CAST: variants seen among roughly 807,000 people sequenced by gnomAD.
The protein encoded by CAST is MIR583 host.
Under a neutral mutation model 119.6 loss-of-function variants are expected in CAST, and 76 were observed. The observed-to-expected ratio is 0.64, with a 90% CI of 0.53 to 0.77. CAST has a LOEUF of 0.77. Ranked by LOEUF, CAST falls within the 30% of genes least tolerant of loss-of-function variation. CAST has a pLI of 0.00. For missense variants in CAST, 953 were observed against 946.5 expected, an observed-to-expected ratio of 1.01 and a Z score of -0.09; for synonymous variants, 319 against 331.6, an observed-to-expected ratio of 0.96 and a Z score of 0.41.
At chr5:96,435,867 T>C in the CAST span, among the ~76,000 whole-genome samples, 1 of 152,170 alleles carries the variant, frequency 6.6e-6, no homozygotes, top group African/African-American at 2.4e-5. Flanking sequence ...CCATATCTCT[T>C]TAGTCTTAGG....
chr5:96,479,450 C>CTTTTT, the CAST span, among the ~76,000 whole-genome samples: 5 of 115,296 alleles, frequency 4.3e-5, no homozygotes, highest in Admixed American at 8.7e-5. Flanking sequence ...CCAGGCACTC[C>CTTTTT]TTATTTTTTT....
upstream of CAST, among the ~76,000 whole-genome samples, chr5:96,660,041 A>G (rs569039996): frequency 2.6e-5 from 4 of 152,260 alleles, no homozygotes; most frequent in Admixed American, 1.3e-4. Context: ...TAGGGTTATT[A>G]CCTCTTATAG....
the CAST span, among the ~76,000 whole-genome samples, chr5:96,122,020 T>C: frequency 2.0e-5 from 3 of 152,308 alleles, no homozygotes; most frequent in East Asian, 5.8e-4. Flanking sequence ...ACTGCAAAAT[T>C]GTGTCTTTTA....
the CAST span, among the ~76,000 whole-genome samples, chr5:96,045,744 G>A: frequency 5.3e-5 from 8 of 152,120 alleles, no homozygotes; most frequent in African/African-American, 1.9e-4. Flanking sequence ...ATAGCAGAGT[G>A]AAAATTCAAG....
chr5:96,105,701 T>G, the CAST span, among the ~76,000 whole-genome samples: 1 of 152,234 alleles, frequency 6.6e-6, no homozygotes, highest in Non-Finnish European at 1.5e-5. Context: ...ATTCTCTTTT[T>G]TGATTGTGTC....
At chr5:96,283,252 G>A in the CAST span, among the ~76,000 whole-genome samples, 1 of 152,094 alleles carries the variant, frequency 6.6e-6, no homozygotes, top group African/African-American at 2.4e-5. Flanking sequence ...CATCAGATTG[G>A]CTTCTACAAG....
At chr5:96,562,959 A>G (rs1473671579) in intron 1 of CAST, among the ~76,000 whole-genome samples, 2 of 145,184 alleles carry the variant, frequency 1.4e-5, no homozygotes, top group Non-Finnish European at 3.1e-5. Flanking sequence ...CTCCTGAAGG[A>G]GGTCATAAAA....
the CAST span, among the ~76,000 whole-genome samples, chr5:96,211,033 T>C: frequency 7.2e-5 from 11 of 152,118 alleles, no homozygotes; most frequent in African/African-American, 2.6e-4. Flanking sequence ...TATGACCTTG[T>C]TGAACTCACT....
the CAST span, among the ~76,000 whole-genome samples, chr5:96,361,065 C>A: frequency 6.6e-6 from 1 of 152,196 alleles, no homozygotes; most frequent in Non-Finnish European, 1.5e-5. Flanking sequence ...AGTCTGGCTA[C>A]AGTGGCTTTG....
chr5:96,151,487 A>T, the CAST span, among the ~76,000 whole-genome samples: 1 of 152,156 alleles, frequency 6.6e-6, no homozygotes, highest in Non-Finnish European at 1.5e-5. Context: ...TTAATAAGCA[A>T]ATTAAAAAGA....
the CAST span, among the ~76,000 whole-genome samples, chr5:96,439,511 A>C: frequency 6.6e-6 from 1 of 152,184 alleles, no homozygotes; most frequent in African/African-American, 2.4e-5. Context: ...TTGGAAAATA[A>C]AAAAAGATTG....
chr5:96,709,116 A>C (rs1755592757), intron 3 of CAST, among the ~76,000 whole-genome samples: 1 of 152,240 alleles, frequency 6.6e-6, no homozygotes, highest in Non-Finnish European at 1.5e-5. Context: ...TTGGTCCTTG[A>C]GTGCCCAATG....
At chr5:96,410,813 G>A in the CAST span, 9 of 1,614,088 alleles carry the variant, frequency 5.6e-6, no homozygotes, top group Non-Finnish European at 7.6e-6. Flanking sequence ...TGTAAGAGGT[G>A]GCCAGTGTGG....
At chr5:96,346,833 A>G in the CAST span, among the ~76,000 whole-genome samples, 2 of 152,114 alleles carry the variant, frequency 1.3e-5, no homozygotes, top group Non-Finnish European at 2.9e-5. Context: ...TCAGGATTCC[A>G]TGTCAGTAAA....
At chr5:96,699,170 C>T (rs76738463) in intron 3 of CAST, among the ~76,000 whole-genome samples, 9,157 of 152,186 alleles carry the variant, frequency 0.06, 602 homozygotes, top group East Asian at 0.21. Context: ...TTACTAAAGC[C>T]TATATGAAAA....
At chr5:96,422,802 TTTTA>T in the CAST span, among the ~76,000 whole-genome samples, 3 of 152,202 alleles carry the variant, frequency 2.0e-5, no homozygotes, top group Non-Finnish European at 4.4e-5. Context: ...AGCAAATTGT[TTTTA>T]TTTATTTATT....
the CAST span, among the ~76,000 whole-genome samples, chr5:96,468,827 A>G: frequency 2.6e-5 from 4 of 152,160 alleles, no homozygotes; most frequent in Non-Finnish European, 5.9e-5. Flanking sequence ...GACAACATGG[A>G]GAGAAAAGGT....
At chr5:96,314,166 CT>C in the CAST span, among the ~76,000 whole-genome samples, 1 of 152,232 alleles carries the variant, frequency 6.6e-6, no homozygotes, top group South Asian at 2.1e-4. Flanking sequence ...AAATATTTTG[CT>C]GATTATCTCT....
chr5:96,394,946 A>G, the CAST span: 1 of 1,614,074 alleles, frequency 6.2e-7, no homozygotes, highest in Non-Finnish European at 8.5e-7. Context: ...AGGCTGCTTC[A>G]TATGCTCTGG....
Sources: allele counts gnomAD v4.1 joint callset (sites outside exome capture counted in the v4.1 genomes callset), GRCh38; gene constraint gnomAD v4.1.1; transcripts MANE v1.5; gene names NCBI Gene and HGNC (gene_info 2026-07-23, HGNC 2026-07-21).